Variants in PRKCA observed in about 807,000 individuals in gnomAD.
PRKCA encodes the protein protein kinase C alpha.
PRKCA carries 27 observed loss-of-function variants against 87.0 expected under a neutral mutation model. The observed-to-expected ratio is 0.31, with a 90% CI of 0.23 to 0.43. The LOEUF (loss-of-function observed/expected upper bound fraction) is 0.43, where lower values mean the gene tolerates loss of function less well. Among genes scored for constraint, PRKCA ranks in the 20% least tolerant of loss-of-function variants. The probability of loss-of-function intolerance (pLI) is 1.00; values close to 1 mark genes in which losing one functional copy is unlikely to be tolerated. For synonymous variants in PRKCA, 329 were observed against 311.1 expected (o/e 1.06, Z -0.61); for missense variants, 518 against 852.3 (o/e 0.61, Z 4.88).
chr17:66,337,081 G>A (rs998595318), intron 2 of PRKCA, among the ~76,000 whole-genome samples: 5 of 152,116 alleles, frequency 3.3e-5, no homozygotes, highest in African/African-American at 4.8e-5. Flanking sequence ...GTGAGCCACC[G>A]TGCCCAGCCA....
At chr17:66,661,849 C>A (rs2143903377) in intron 5 of PRKCA, among the ~76,000 whole-genome samples, 1 of 152,310 alleles carries the variant, frequency 6.6e-6, no homozygotes, top group Non-Finnish European at 1.5e-5. Flanking sequence ...GGCCTAGGAA[C>A]TAGACAAGGC....
chr17:66,447,587 C>T (rs960519259), intron 2 of PRKCA, among the ~76,000 whole-genome samples: 24 of 152,174 alleles, frequency 1.6e-4, no homozygotes, highest in Non-Finnish European at 8.8e-5. Flanking sequence ...AGATGACAGG[C>T]GTTCATAAAG....
chr17:66,751,881 T>A (rs765100978), intron 13 of PRKCA, among the ~76,000 whole-genome samples: 1 of 151,510 alleles, frequency 6.6e-6, no homozygotes, highest in African/African-American at 2.4e-5. Context: ...AGCAGGGAGG[T>A]GCTACACACT....
chr17:66,730,616 G>A (rs1053757804), intron 8 of PRKCA, among the ~76,000 whole-genome samples: 15 of 152,196 alleles, frequency 9.9e-5, no homozygotes, highest in Non-Finnish European at 5.9e-5. Flanking sequence ...CCTATAGCAT[G>A]CCAATGTATT....
intron 2 of PRKCA, among the ~76,000 whole-genome samples, chr17:66,447,395 C>G (rs939398529): frequency 2.0e-5 from 3 of 152,146 alleles, no homozygotes; most frequent in African/African-American, 7.2e-5. Flanking sequence ...TCCTCTTGTG[C>G]AGCTGACACC....
chr17:66,498,245 A>C lies in PRKCA; in HGVS notation c.288+1962A>C, dbSNP rs74356101. Among the ~76,000 whole-genome samples, 535 of 152,192 alleles carry C rather than the reference A, an allele frequency of 3.5e-3. 3 individuals carry two copies. Among genetic ancestry groups the C allele is most frequent in the African/African-American group, 0.012 (501 of 41,514 alleles). On this transcript the variant is annotated intron_variant, in intron 3 of 16. Coordinates refer to ENST00000413366, the MANE Select transcript of PRKCA (RefSeq NM_002737.3). ...TAGAGATAAAAATAGCTGGAACGTA[A>C]AGTACTAACTTTTCCAAAAAGCCAA... is the stretch of plus-strand genomic sequence containing the variant.
At chr17:66,673,619 G>C (rs1487530793) in intron 5 of PRKCA, among the ~76,000 whole-genome samples, 1 of 152,184 alleles carries the variant, frequency 6.6e-6, no homozygotes, top group African/African-American at 2.4e-5. Flanking sequence ...CATAAACACA[G>C]ACGGTGTCAG....
intron 2 of PRKCA, among the ~76,000 whole-genome samples, chr17:66,307,722 T>G (rs1904896235): frequency 6.6e-6 from 1 of 152,164 alleles, no homozygotes; most frequent in Non-Finnish European, 1.5e-5. Flanking sequence ...CCCCAGAGCA[T>G]CTCTTGAACT....
chr17:66,451,676 G>T (rs1030609954), intron 2 of PRKCA, among the ~76,000 whole-genome samples: 3 of 152,138 alleles, frequency 2.0e-5, no homozygotes, highest in Non-Finnish European at 4.4e-5. Flanking sequence ...GCCCCCTAAC[G>T]GGTGGGTGGA....
intron 2 of PRKCA, among the ~76,000 whole-genome samples, chr17:66,405,447 G>A (rs1300924672): frequency 6.6e-6 from 1 of 152,082 alleles, no homozygotes; most frequent in Non-Finnish European, 1.5e-5. Flanking sequence ...TCTCTGGATC[G>A]GGTCCAGCCC....
chr17:66,718,232 C>T (rs1331066441), intron 8 of PRKCA, among the ~76,000 whole-genome samples: 3 of 152,220 alleles, frequency 2.0e-5, no homozygotes, highest in Admixed American at 2.0e-4. Context: ...TGAAGGCTCA[C>T]TTTCTGATTC....
intron 13 of PRKCA, among the ~76,000 whole-genome samples, chr17:66,763,278 G>A (rs763500739): frequency 1.3e-5 from 2 of 152,172 alleles, no homozygotes; most frequent in Non-Finnish European, 2.9e-5. Flanking sequence ...GAAGTGGATG[G>A]CCCAGCCCCA....
At chr17:66,641,796 C>T (rs549799084) in intron 4 of PRKCA, among the ~76,000 whole-genome samples, 63 of 151,914 alleles carry the variant, frequency 4.1e-4, no homozygotes, top group African/African-American at 1.2e-3. Flanking sequence ...AGACTTCCAC[C>T]GCCAGGTCCA....
intron 2 of PRKCA, among the ~76,000 whole-genome samples, chr17:66,441,836 C>T (rs1913780947): frequency 6.6e-6 from 1 of 151,824 alleles, no homozygotes; most frequent in Non-Finnish European, 1.5e-5. Context: ...ATATTTATAC[C>T]ATAATAGATG....
intron 16 of PRKCA, among the ~76,000 whole-genome samples, chr17:66,793,891 C>CT (rs1975605065): frequency 6.6e-6 from 1 of 152,192 alleles, no homozygotes; most frequent in Non-Finnish European, 1.5e-5. Context: ...AATTTTGTAG[C>CT]TTTTTATTCT....
At chr17:66,325,561 A>G (rs1319667352) in intron 2 of PRKCA, among the ~76,000 whole-genome samples, 2 of 152,222 alleles carry the variant, frequency 1.3e-5, no homozygotes, top group Admixed American at 1.3e-4. Flanking sequence ...TCCTCACCCC[A>G]GCAATGCTTG....
At chr17:66,721,860 A>G (rs1973624197) in intron 8 of PRKCA, among the ~76,000 whole-genome samples, 1 of 152,090 alleles carries the variant, frequency 6.6e-6, no homozygotes. Context: ...AGGAGTGCAA[A>G]TGCAGCCCAA....
At chr17:66,488,752 A>T (rs1477908792) in intron 2 of PRKCA, among the ~76,000 whole-genome samples, 1 of 152,226 alleles carries the variant, frequency 6.6e-6, no homozygotes, top group Non-Finnish European at 1.5e-5. Context: ...ACGTGCACAG[A>T]TGCTGAAAGG....
At chr17:66,736,359 C>T (rs1265505203) in intron 10 of PRKCA, among the ~76,000 whole-genome samples, 1 of 151,496 alleles carries the variant, frequency 6.6e-6, no homozygotes, top group African/African-American at 2.4e-5. Flanking sequence ...CTCAATGCAA[C>T]CTCCACCTCC....
Sources: gnomAD v4.1 joint callset for allele counts (sites outside exome capture counted in the v4.1 genomes callset) on GRCh38, gnomAD v4.1.1 for gene constraint, MANE v1.5 for transcripts, NCBI Gene and HGNC (gene_info 2026-07-23, HGNC 2026-07-21) for gene names.